PCDH15: variants seen among roughly 807,000 people sequenced by gnomAD.
PCDH15 encodes protocadherin related 15, also known as protocadherin-15.
Under a neutral mutation model 178.5 loss-of-function variants are expected in PCDH15, and 129 were observed. That is an observed-to-expected ratio of 0.72 (90% CI 0.63 to 0.84). The LOEUF is 0.84. Among genes scored for constraint, PCDH15 ranks in the 40% least tolerant of loss-of-function variants. The pLI is 0.00. For missense variants in PCDH15, 2,230 were observed against 2,099.9 expected (o/e 1.06, Z -1.21); for synonymous variants, 800 against 732.0 (o/e 1.09, Z -1.50).
At chr10:54,257,512 CTTTG>C (rs936476570) in intron 8 of PCDH15, among the ~76,000 whole-genome samples, 4 of 151,538 alleles carry the variant, frequency 2.6e-5, no homozygotes, top group Non-Finnish European at 5.9e-5. Context: ...TACTACCCTC[CTTTG>C]TTTATTTTTC....
chr10:54,200,345 T>A (rs2133970588), intron 10 of PCDH15, among the ~76,000 whole-genome samples: 1 of 138,138 alleles, frequency 7.2e-6, no homozygotes, highest in South Asian at 2.4e-4. Flanking sequence ...TACGTACGCA[T>A]ACACGTCCCA....
chr10:54,665,548 T>C (rs2094558016), intron 1 of PCDH15, among the ~76,000 whole-genome samples: 1 of 152,030 alleles, frequency 6.6e-6, no homozygotes, highest in East Asian at 1.9e-4. Flanking sequence ...TGCCAAGTAT[T>C]TAATAATGTT....
chr10:53,821,158 A>AAAGAG (rs1334065049), intron 32 of PCDH15: 1 of 974,552 alleles, frequency 1.0e-6, no homozygotes, highest in Non-Finnish European at 1.2e-6. Flanking sequence ...AATGAGAAAT[A>AAAGAG]AAGAGAATAA....
At chr10:55,167,806 G>A (rs568896940) in intron 1 of PCDH15, among the ~76,000 whole-genome samples, 32 of 152,230 alleles carry the variant, frequency 2.1e-4, no homozygotes, top group Non-Finnish European at 4.1e-4. Flanking sequence ...AAGTTTGGTT[G>A]TGATCTGCTG....
chr10:55,591,545 G>T (rs1047995560), intron 2 of PCDH15, among the ~76,000 whole-genome samples: 1 of 152,042 alleles, frequency 6.6e-6, no homozygotes, highest in Non-Finnish European at 1.5e-5. Flanking sequence ...AAAGCAAGGG[G>T]TCAATAATTA....
intron 2 of PCDH15, among the ~76,000 whole-genome samples, chr10:55,083,253 C>A (rs1842088093): frequency 6.6e-6 from 1 of 151,754 alleles, no homozygotes; most frequent in Admixed American, 6.6e-5. Context: ...TCAACATATG[C>A]AAATTAATCA....
intron 37 of PCDH15, 22 bp downstream of exon 37, chr10:53,810,534 A>G (rs1396381581): frequency 1.3e-6 from 2 of 1,591,662 alleles, no homozygotes; most frequent in Admixed American, 1.7e-5. Context: ...ATTATCTTAC[A>G]TAATAAAATT....
intron 2 of PCDH15, among the ~76,000 whole-genome samples, chr10:54,642,229 A>G (rs1404657009): frequency 6.6e-6 from 1 of 152,188 alleles, no homozygotes; most frequent in East Asian, 1.9e-4. Flanking sequence ...TGAATCAGGA[A>G]GTAGGCCATC....
At chr10:54,588,967 T>A (rs540973430) in intron 2 of PCDH15, among the ~76,000 whole-genome samples, 15 of 152,286 alleles carry the variant, frequency 9.8e-5, no homozygotes, top group Admixed American at 9.8e-4. Flanking sequence ...TTCAAATGAA[T>A]TCCAAAAGTT....
At chr10:54,453,832 C>T (rs540458181) in intron 3 of PCDH15, among the ~76,000 whole-genome samples, 9 of 151,990 alleles carry the variant, frequency 5.9e-5, no homozygotes, top group Admixed American at 5.9e-4. Context: ...GAAGTTCCTT[C>T]CCTAGAGCCC....
chr10:54,340,516 T>C (rs908350217), intron 6 of PCDH15, among the ~76,000 whole-genome samples: 27 of 152,166 alleles, frequency 1.8e-4, no homozygotes, highest in Admixed American at 1.6e-3. Context: ...CTGCAGCAAC[T>C]CGGTCCTAAC....
chr10:54,874,042 T>C (rs1344077093), intron 3 of PCDH15, among the ~76,000 whole-genome samples: 14 of 121,742 alleles, frequency 1.1e-4, no homozygotes, highest in East Asian at 2.4e-4. Flanking sequence ...TACATATGTA[T>C]ACATGTGCCA....
chr10:54,806,807 G>A (rs1952785320), intron 3 of PCDH15, among the ~76,000 whole-genome samples: 1 of 152,100 alleles, frequency 6.6e-6, no homozygotes, highest in Non-Finnish European at 1.5e-5. Flanking sequence ...CAGGCTTAAG[G>A]ACTCTTGGCT....
At chr10:54,493,489 A>G (rs2079807690) in intron 3 of PCDH15, among the ~76,000 whole-genome samples, 2 of 152,060 alleles carry the variant, frequency 1.3e-5, no homozygotes, top group South Asian at 4.1e-4. Flanking sequence ...GGATACATCT[A>G]TTTTGCTCTT....
At chr10:54,972,294 C>G (rs1838953545) in intron 2 of PCDH15, among the ~76,000 whole-genome samples, 1 of 151,152 alleles carries the variant, frequency 6.6e-6, no homozygotes. Context: ...AATCCCAGCA[C>G]TTTGGGAGGC....
chr10:55,282,781 T>G (rs1445628468), intron 1 of PCDH15, among the ~76,000 whole-genome samples: 1 of 152,182 alleles, frequency 6.6e-6, no homozygotes, highest in Non-Finnish European at 1.5e-5. Flanking sequence ...AAGCGAGAGC[T>G]TTCAATAATT....
At chr10:54,195,997 C>T in intron 10 of PCDH15, 108 bp from the exon 11 acceptor site, 1 of 950,910 alleles carries the variant, frequency 1.1e-6, no homozygotes, top group Non-Finnish European at 1.6e-6. Flanking sequence ...CTAATATCAT[C>T]ACATAAGGAA....
At chr10:53,833,738 C>T (rs866607009) in intron 29 of PCDH15, among the ~76,000 whole-genome samples, 37 of 151,990 alleles carry the variant, frequency 2.4e-4, no homozygotes, top group African/African-American at 7.7e-4. Context: ...ACAATTTTAA[C>T]CTCAGAAATA....
At chr10:55,027,757 T>G (rs1243728779) in intron 2 of PCDH15, among the ~76,000 whole-genome samples, 1 of 151,928 alleles carries the variant, frequency 6.6e-6, no homozygotes, top group Middle Eastern at 3.2e-3. Flanking sequence ...TTATAATTCT[T>G]GTTCAATTAG....
Sources: allele counts gnomAD v4.1 joint callset (sites outside exome capture counted in the v4.1 genomes callset), GRCh38; gene constraint gnomAD v4.1.1; transcripts MANE v1.5; gene names NCBI Gene and HGNC (gene_info 2026-07-23, HGNC 2026-07-21).